The following C10orf143 variants were observed in gnomAD, a reference collection of about 807,000 sequenced individuals.
C10orf143 encodes uncharacterized protein C10orf143.
intron 3 of C10orf143, among the ~76,000 whole-genome samples, chr10:130,036,767 T>C (rs1298274569): frequency 2.0e-5 from 3 of 152,146 alleles, no homozygotes; most frequent in Non-Finnish European, 4.4e-5. Context: ...CACTGTCCTG[T>C]GCTCCTTTCT....
intron 3 of C10orf143, among the ~76,000 whole-genome samples, chr10:130,073,563 G>C (rs1861067035): frequency 6.6e-6 from 1 of 151,670 alleles, no homozygotes; most frequent in Admixed American, 6.6e-5. Context: ...GAGTGTGTTG[G>C]TCCCAACGGC....
intron 3 of C10orf143, among the ~76,000 whole-genome samples, chr10:130,055,684 G>A (rs968049504): frequency 2.6e-5 from 4 of 152,116 alleles, no homozygotes; most frequent in Non-Finnish European, 1.5e-5. Flanking sequence ...GGTGGCTCAC[G>A]CCTGTAAGCC....
At chr10:130,105,899 T>A (rs1462075567) in intron 1 of C10orf143, 1 of 364,426 alleles carries the variant, frequency 2.7e-6, no homozygotes, top group African/African-American at 2.1e-5. Flanking sequence ...AGCGCCCGCA[T>A]CCCCCAGCTC....
intron 1 of C10orf143, among the ~76,000 whole-genome samples, chr10:130,085,477 T>C (rs907097631): frequency 5.3e-5 from 8 of 152,038 alleles, no homozygotes; most frequent in Non-Finnish European, 1.5e-5. Flanking sequence ...CAATAATCAC[T>C]AAGTGTCGAG....
chr10:130,074,207 C>T (rs1296652994), intron 3 of C10orf143, among the ~76,000 whole-genome samples: 1 of 152,216 alleles, frequency 6.6e-6, no homozygotes, highest in Admixed American at 6.5e-5. Flanking sequence ...GCCCCTGCCT[C>T]CCCATCAACC....
chr10:130,083,524 T>C (rs1433876852), intron 1 of C10orf143, among the ~76,000 whole-genome samples: 2 of 152,128 alleles, frequency 1.3e-5, no homozygotes, highest in African/African-American at 4.8e-5. Context: ...TTGGATAAAC[T>C]ATGGTACATC....
chr10:130,107,305 C>G (rs192219651), intron 1 of C10orf143: 2 of 1,096,466 alleles, frequency 1.8e-6, no homozygotes, highest in South Asian at 2.5e-5. Context: ...AAAAGATCAG[C>G]CATGCCACTA....
intron 3 of C10orf143, among the ~76,000 whole-genome samples, chr10:130,073,703 GA>G (rs1861069488): frequency 1.3e-5 from 2 of 152,184 alleles, no homozygotes; most frequent in South Asian, 4.1e-4. Context: ...ATGTTTGTAG[GA>G]AGTCTAAATT....
At chr10:130,095,601 C>T (rs1212374141) in intron 1 of C10orf143, among the ~76,000 whole-genome samples, 4 of 152,096 alleles carry the variant, frequency 2.6e-5, no homozygotes, top group Non-Finnish European at 5.9e-5. Flanking sequence ...GACATACAGA[C>T]CAATGGAACA....
At chr10:130,088,799 T>G (rs1045301933) in intron 1 of C10orf143, among the ~76,000 whole-genome samples, 4 of 152,218 alleles carry the variant, frequency 2.6e-5, no homozygotes, top group Non-Finnish European at 4.4e-5. Context: ...AAGTAAAGAT[T>G]CCTTTCCTAT....
At chr10:130,084,378 T>G (rs897054718) in intron 1 of C10orf143, among the ~76,000 whole-genome samples, 1 of 152,172 alleles carries the variant, frequency 6.6e-6, no homozygotes, top group African/African-American at 2.4e-5. Flanking sequence ...CAAAAAGCAC[T>G]GTATAGAAAT....
intron 3 of C10orf143, among the ~76,000 whole-genome samples, chr10:130,072,038 G>C (rs1255107075): frequency 2.0e-5 from 3 of 152,020 alleles, no homozygotes; most frequent in Non-Finnish European, 4.4e-5. Flanking sequence ...GTGAGGCAGA[G>C]ATCTAATTTT....
At chr10:130,055,940 C>T (rs1293202580) in intron 3 of C10orf143, among the ~76,000 whole-genome samples, 2 of 114,318 alleles carry the variant, frequency 1.7e-5, no homozygotes, top group Non-Finnish European at 3.4e-5. Context: ...AGCAAGACTC[C>T]GTCTCCAAAA....
intron 3 of C10orf143, among the ~76,000 whole-genome samples, chr10:130,042,439 C>T (rs1029979843): frequency 6.6e-6 from 1 of 152,224 alleles, no homozygotes; most frequent in African/African-American, 2.4e-5. Context: ...ACATTGTGAT[C>T]GATTTCACCA....
intron 3 of C10orf143, among the ~76,000 whole-genome samples, chr10:130,044,357 T>A (rs554540632): frequency 6.6e-6 from 1 of 151,438 alleles, no homozygotes; most frequent in Admixed American, 6.6e-5. Flanking sequence ...AGTGGAGAGG[T>A]CTTGGCTGCA....
rs1406603446 is a variant in C10orf143, at chr10:130,079,807, C to CGGTCCTGG, written c.163_164insCCAGGACC (p.Arg55ProfsTer24). The CGGTCCTGG allele has an allele frequency of 7.5e-6, 3 of 398,570 alleles. No homozygotes were observed. The Admixed American group carries it at 1.3e-4, about 18-fold the overall frequency. The allele number at this position is 398,570 out of a possible 1,614,324, so 24.7% of individuals were successfully genotyped here. A position where few individuals can be genotyped will look rare whatever the true frequency, so the allele number is the denominator to read the frequency against. ...GAGGCAGCCTCTTGATGGAAGCTCC[C>CGGTCCTGG]GGTCCTCTGGGCCCCAGGACGCCAG... On this transcript the variant is annotated frameshift_variant, in exon 2 of 4. Transcript: ENST00000637128. LOFTEE classifies it high-confidence loss of function.
chr10:130,055,037 C>A (rs1860779958), intron 3 of C10orf143, among the ~76,000 whole-genome samples: 1 of 151,834 alleles, frequency 6.6e-6, no homozygotes, highest in Non-Finnish European at 1.5e-5. Context: ...TTATCTTACA[C>A]CATACAAAAA....
intron 3 of C10orf143, among the ~76,000 whole-genome samples, chr10:130,043,530 T>C (rs1312390942): frequency 6.6e-6 from 1 of 152,126 alleles, no homozygotes; most frequent in African/African-American, 2.4e-5. Flanking sequence ...CAGCAGAAAG[T>C]CTCTCCCCAA....
chr10:130,075,150 G>A (rs1861094853), intron 3 of C10orf143, among the ~76,000 whole-genome samples: 1 of 152,198 alleles, frequency 6.6e-6, no homozygotes, highest in African/African-American at 2.4e-5. Flanking sequence ...TCAACGTGGG[G>A]AGCGGAGACT....
Sources: allele counts gnomAD v4.1 joint callset (sites outside exome capture counted in the v4.1 genomes callset), GRCh38; gene constraint gnomAD v4.1.1; transcripts MANE v1.5; gene names NCBI Gene and HGNC (gene_info 2026-07-23, HGNC 2026-07-21).